Variants in RASGEF1A observed in about 807,000 individuals in gnomAD.
RASGEF1A encodes the protein RasGEF domain family member 1A.
RASGEF1A carries 18 observed loss-of-function variants against 56.4 expected under a neutral mutation model. The ratio of observed to expected loss-of-function variants is 0.32; its 90% confidence interval spans 0.22 to 0.47. RASGEF1A has a LOEUF of 0.47. Ranked by LOEUF, RASGEF1A falls within the 20% of genes least tolerant of loss-of-function variation. The pLI is 1.00. For missense variants in RASGEF1A, 422 were observed against 627.1 expected (o/e 0.67, Z 3.49); for synonymous variants, 245 against 242.6 (o/e 1.01, Z -0.09).
At chr10:43,248,271 G>C (rs563580223) in intron 1 of RASGEF1A, among the ~76,000 whole-genome samples, 1 of 150,702 alleles carries the variant, frequency 6.6e-6, no homozygotes, top group African/African-American at 2.4e-5. Context: ...CCAGAGACTC[G>C]CTTGAACCTG....
At chr10:43,207,923 A>T in intron 1 of RASGEF1A, 1 of 622,876 alleles carries the variant, frequency 1.6e-6, no homozygotes, top group Non-Finnish European at 2.0e-6. Flanking sequence ...CCTAGGTGTC[A>T]CCACCTCCAG....
chr10:43,233,957 G>A lies in RASGEF1A; in HGVS notation c.-6-27835C>T, dbSNP rs898599584. Among the ~76,000 whole-genome samples the A allele has an allele frequency of 3.9e-5, 6 of 152,162 alleles. No individual in the cohort carries two copies. The South Asian group carries it at 8.3e-4, about 21-fold the overall frequency. On this transcript the variant is annotated intron_variant, in intron 1 of 12. Transcript: ENST00000395810. ...GGATAACCCACCCAGACAACCACAG[G>A]CAAGGGCAGGGAGTCAAGGACACCA...
chr10:43,242,242 A>C (rs944655925), intron 1 of RASGEF1A, among the ~76,000 whole-genome samples: 2 of 152,210 alleles, frequency 1.3e-5, no homozygotes, highest in East Asian at 3.8e-4. Context: ...GAGAAAATAG[A>C]CTTTAGGACA....
At chr10:43,248,327 G>A (rs1447950706) in intron 1 of RASGEF1A, among the ~76,000 whole-genome samples, 1 of 136,492 alleles carries the variant, frequency 7.3e-6, no homozygotes, top group Non-Finnish European at 1.5e-5. Flanking sequence ...CTGCGCTCCA[G>A]CCTGGGCAAC....
chr10:43,200,736 G>A lies in RASGEF1A; in HGVS notation c.612C>T (p.Ala204=), dbSNP rs749052274. ...AGCACACGCCCAGGATGTCCTTCTG[G>A]GCGGCTGGTGGCTTGGTCTTGAGGA... ...GPILKTKPPA[A]QKDILGVCCD... Residue 204 remains alanine, a synonymous_variant, in exon 5 of 13, where the codon GCC becomes GCT. Coordinates refer to ENST00000395810, the MANE Select transcript of RASGEF1A (RefSeq NM_145313.4). 4 of 1,613,830 alleles carry A rather than the reference G, an allele frequency of 2.5e-6. No individual in the cohort carries two copies. The Admixed American group carries it at 6.7e-5, about 27-fold the overall frequency.
At chr10:43,229,524 G>T in intron 1 of RASGEF1A, 1 of 882,194 alleles carries the variant, frequency 1.1e-6, no homozygotes, top group Non-Finnish European at 1.6e-6. Flanking sequence ...GGTCCTCAGG[G>T]CGGGCACCCT....
chr10:43,198,158 C>A lies in RASGEF1A; in HGVS notation c.1070G>T (p.Arg357Leu). ...MDPSSNFCNY[R>L]TALQGATQRS... ...CTGCGTGGCCCCCTGCAGGGCTGTA[C>A]GGTAGTTGCAGAAGTTGCTGGACGG... Residue 357 changes from arginine (R) to leucine (L), a missense_variant, in exon 10 of 13, where the codon CGT becomes CTT. Physicochemically the swap from Arg to Leu is moderately radical, Grantham distance 102 (BLOSUM62 -2). Around this residue, in one of 2 missense-constraint regions of RASGEF1A, gnomAD observed 149 missense variants for 287.2 expected, o/e 0.52. Coordinates refer to ENST00000395810, the MANE Select transcript of RASGEF1A (RefSeq NM_145313.4). 6.2e-7 allele frequency: 1 copy of A among 1,613,624 alleles called. No homozygotes were observed. The highest frequency in any genetic ancestry group is 1.1e-5 in the South Asian group (1 of 91,068).
At chr10:43,252,677 C>T (rs1437797943) in intron 1 of RASGEF1A, among the ~76,000 whole-genome samples, 1 of 152,154 alleles carries the variant, frequency 6.6e-6, no homozygotes, top group South Asian at 2.1e-4. Context: ...ATGTCCTAAG[C>T]TCAGGGGCTT....
Position 43,200,263 on chromosome 10 carries a change from T to C in RASGEF1A, c.682-7A>G. The C allele has an allele frequency of 6.2e-7, 1 of 1,600,368 alleles. No homozygotes were observed. On this transcript the variant is annotated splice_region_variant and splice_polypyrimidine_tract_variant and intron_variant, in intron 5 of 12. Transcript: ENST00000395810. ...AAATGCTGCTGACCCTGTCCTGGGG[T>C]GGAAGATAGCAAAGGGAAGGTGACA...
intron 1 of RASGEF1A, among the ~76,000 whole-genome samples, chr10:43,234,036 A>G (rs2505548): frequency 0.48 from 72,743 of 151,908 alleles, 17,584 homozygotes; most frequent in Admixed American, 0.54. Flanking sequence ...AGGGCCGGGG[A>G]GGGCACCCTC....
Position 43,196,355 on chromosome 10 carries a change from C to T in RASGEF1A, c.1422-87G>A. On this transcript the variant is annotated intron_variant, in intron 12 of 12. Coordinates refer to ENST00000395810, the MANE Select transcript of RASGEF1A (RefSeq NM_145313.4). This position sits in a 1 kb window ranked among gnomAD's most constrained non-coding sequence, Gnocchi z 4.6. ...CCTCAGCCTCCCACCAAACATGCAC[C>T]AGGGACCCTGGACCAGGGACGCGGC... is the stretch of plus-strand genomic sequence containing the variant. 1.3e-6 allele frequency: 2 copies of T among 1,578,254 alleles called. No individual in the cohort carries two copies. Among genetic ancestry groups the T allele is most frequent in the Non-Finnish European group, 1.7e-6 (2 of 1,149,026 alleles).
chr10:43,247,582 C>T (rs1452881225), intron 1 of RASGEF1A, among the ~76,000 whole-genome samples: 1 of 152,148 alleles, frequency 6.6e-6, no homozygotes, highest in Admixed American at 6.5e-5. Context: ...GAATGAAATA[C>T]CAACATGCTA....
chr10:43,255,277 G>A (rs369953909), intron 1 of RASGEF1A, among the ~76,000 whole-genome samples: 1 of 152,166 alleles, frequency 6.6e-6, no homozygotes, highest in Non-Finnish European at 1.5e-5. Flanking sequence ...AAGCCGCCCA[G>A]CCCTGCCCGC....
intron 1 of RASGEF1A, among the ~76,000 whole-genome samples, chr10:43,265,118 G>C (rs1170911906): frequency 1.3e-5 from 2 of 152,062 alleles, no homozygotes; most frequent in African/African-American, 4.8e-5. Context: ...CCACTGTCCA[G>C]CACAAATGCC....
In RASGEF1A at chr10:43,196,041, C is replaced by T. The variant is rs566822195; in HGVS notation, c.*203G>A. On this transcript the variant is annotated 3_prime_UTR_variant, in exon 13 of 13. Transcript: ENST00000395810. The surrounding 1 kb of genome is among the most constrained non-coding windows in gnomAD (Gnocchi z 4.6). ...CCCCTCCCCCTCCCCAAAGCAGGGC[C>T]CTGCCCTGTTATTTAAAATAAACAA... 3.3e-5 allele frequency: 16 copies of T among 491,992 alleles called. No homozygotes were observed. In the East Asian group the frequency reaches 5.1e-4, roughly 16 times the overall value. The allele number at this position is 491,992 out of a possible 1,614,324, so 30.5% of individuals were successfully genotyped here.
intron 1 of RASGEF1A, among the ~76,000 whole-genome samples, chr10:43,255,868 C>T (rs1419210322): frequency 6.6e-6 from 1 of 152,176 alleles, no homozygotes; most frequent in Non-Finnish European, 1.5e-5. Flanking sequence ...CGCTGTCTGC[C>T]CACTGGCACC....
chr10:43,209,339 G>A (rs1455372071), intron 1 of RASGEF1A: 1 of 496,664 alleles, frequency 2.0e-6, no homozygotes, highest in Non-Finnish European at 2.6e-6. Context: ...ACAGCCAGAG[G>A]GCAACAGTGC....
chr10:43,206,025 G>C lies in RASGEF1A; in HGVS notation c.92C>G (p.Ala31Gly). 1 of 1,608,154 alleles carries C rather than the reference G, an allele frequency of 6.2e-7. No homozygotes were observed. The highest frequency in any genetic ancestry group is 8.5e-7 in the Non-Finnish European group (1 of 1,177,438). ...GATGAGGTCCCCGGAGCCGCCACCG[G>C]CCCCGCCTCCACGCTCCCCCATGCC... ...QPGMGERGGGAGGGSGDLIFQ... is the reference protein window; with the variant it reads ...QPGMGERGGGGGGGSGDLIFQ... Residue 31 changes from alanine (A) to glycine (G), a missense_variant, in exon 2 of 13, where the codon GCC (alanine) becomes GGC (glycine). Coordinates refer to ENST00000395810, the MANE Select transcript of RASGEF1A (RefSeq NM_145313.4).
rs372390316 is a variant in RASGEF1A, at chr10:43,196,983, G to A, written c.1341C>T (p.Ser447=). ...TTGGGAGGCAGCCCTCACCTTCCTC[G>A]CTGTAGATGGGCGCCGTGAGCAGGT... ...QSYLLTAPIY[S]EEALFVASFE... is the part of the protein sequence containing the mutation. The change falls in exon 11 of 13, where the codon AGC becomes AGT. Residue 447 remains serine (S), a synonymous_variant. Transcript: ENST00000395810. The surrounding 1 kb of genome is among the most constrained non-coding windows in gnomAD (Gnocchi z 4.6). 5.5e-5 allele frequency: 89 copies of A among 1,613,336 alleles called. No homozygotes were observed. Among genetic ancestry groups the A allele is most frequent in the Middle Eastern group, 3.5e-4 (2 of 5,706 alleles).
Sources: gnomAD v4.1 joint callset for allele counts (sites outside exome capture counted in the v4.1 genomes callset) on GRCh38, gnomAD v4.1.1 for gene constraint, gnomAD v4.1.1 regional missense constraint, Gnocchi (gnomAD v3.1) non-coding constraint, MANE v1.5 for transcripts, NCBI Gene and HGNC (gene_info 2026-07-23, HGNC 2026-07-21) for gene names.